Variants in ARFGEF2 observed in about 807,000 individuals in gnomAD.
The protein encoded by ARFGEF2 is brefeldin A-inhibited guanine nucleotide-exchange protein 2.
A neutral mutation model predicts 219.9 loss-of-function variants in ARFGEF2; 74 were observed. The ratio of observed to expected loss-of-function variants is 0.34; its 90% CI spans 0.28 to 0.41. ARFGEF2 has a LOEUF of 0.41. Ranked by LOEUF, ARFGEF2 falls within the 10% of genes least tolerant of loss-of-function variation. The pLI is 1.00. For missense variants in ARFGEF2, 1,743 were observed against 2,218.3 expected, an observed-to-expected ratio of 0.79 and a Z score of 4.30; for synonymous variants, 733 against 799.2, an observed-to-expected ratio of 0.92 and a Z score of 1.40.
At chr20:48,965,132 G>T (rs1350538055) in intron 7 of ARFGEF2, among the ~76,000 whole-genome samples, 1 of 152,058 alleles carries the variant, frequency 6.6e-6, no homozygotes, top group East Asian at 1.9e-4. Context: ...CTTTAGATTT[G>T]TTTCTGGGAT....
chr20:48,926,863 G>A (rs1005304189), intron 1 of ARFGEF2, among the ~76,000 whole-genome samples: 3 of 152,172 alleles, frequency 2.0e-5, no homozygotes, highest in Admixed American at 6.5e-5. Flanking sequence ...GTGGGGAAAC[G>A]TAGCTGCAGC....
At position 48,973,223 on chromosome 20, in the gene ARFGEF2, A is replaced by G. The variant is rs986288018; in HGVS notation, c.1604A>G (p.Asn535Ser). 3 of 1,614,066 alleles carry G rather than the reference A, an allele frequency of 1.9e-6. No individual in the cohort carries two copies. In the African/African-American group the frequency reaches 4.0e-5, roughly 22 times the overall value. Residue 535 changes from asparagine (N) to serine (S), a missense_variant, in exon 12 of 39, where the codon AAT (asparagine) becomes AGT (serine). Around this residue, in one of 5 missense-constraint regions of ARFGEF2, gnomAD observed 666 missense variants for 955.4 expected, o/e 0.70. Coordinates refer to ENST00000371917, the MANE Select transcript of ARFGEF2 (RefSeq NM_006420.3). ...NAANIFERLV[N>S]DLSKIAQGRS... Reference sequence around the variant, plus strand: ...GCTAACATTTTTGAGCGCCTTGTAAATGATTTATCCAAAATTGCTCAGGGA... The same window carrying G: ...GCTAACATTTTTGAGCGCCTTGTAAGTGATTTATCCAAAATTGCTCAGGGA...
intron 16 of ARFGEF2, among the ~76,000 whole-genome samples, chr20:48,987,994 G>A (rs2091335946): frequency 6.6e-6 from 1 of 152,088 alleles, no homozygotes; most frequent in Non-Finnish European, 1.5e-5. Flanking sequence ...CACCATGTTG[G>A]CCAGGCTGGT....
chr20:48,991,012 A>G, intron 20 of ARFGEF2, 28 bp from the exon 21 acceptor site: 2 of 1,609,584 alleles, frequency 1.2e-6, no homozygotes, highest in Non-Finnish European at 8.5e-7. Flanking sequence ...TTGGAGTCAC[A>G]GTGTTCTCTC....
intron 3 of ARFGEF2, among the ~76,000 whole-genome samples, chr20:48,949,853 C>T (rs1489620066): frequency 2.0e-5 from 3 of 152,110 alleles, no homozygotes; most frequent in African/African-American, 4.8e-5. Context: ...GGAGTCTTCA[C>T]CAAGTCACTG....
Position 48,921,764 on chromosome 20 carries a change from C to T in ARFGEF2, c.-126C>T. On this transcript the variant is annotated 5_prime_UTR_variant, in exon 1 of 39. Coordinates refer to ENST00000371917, the MANE Select transcript of ARFGEF2 (RefSeq NM_006420.3). Reference sequence around the variant, plus strand: ...GCGGCGCCGTGGGGCCGAGGTGTCGCTTCCTGACGGGGCGGCGCGGACGGA... The same window carrying T: ...GCGGCGCCGTGGGGCCGAGGTGTCGTTTCCTGACGGGGCGGCGCGGACGGA... The T allele has an allele frequency of 2.9e-6, 3 of 1,051,156 alleles. No individual in the cohort carries two copies. Among genetic ancestry groups the T allele is most frequent in the Non-Finnish European group, 2.4e-6 (2 of 845,140 alleles). The allele number at this position is 1,051,156 out of a possible 1,614,324, so 65.1% of individuals were successfully genotyped here. A position where few individuals can be genotyped will look rare whatever the true frequency, so the allele number is the denominator to read the frequency against.
chr20:48,932,359 A>G (rs1336865465), intron 1 of ARFGEF2, among the ~76,000 whole-genome samples: 1 of 152,082 alleles, frequency 6.6e-6, no homozygotes, highest in Non-Finnish European at 1.5e-5. Context: ...GAGTTGGGCC[A>G]TTGAGGGTGG....
rs772236156 is a variant in ARFGEF2, at chr20:48,988,574, C to G, written c.2445C>G (p.Leu815=). The G allele has an allele frequency of 2.5e-6, 4 of 1,613,658 alleles. No homozygotes were observed. In the South Asian group the frequency reaches 4.4e-5, roughly 18 times the overall value. ...NDSKDLPEEY[L]SSIYEEIEGK... ...GTAAAGATCTGCCAGAAGAGTATCT[C>G]TCAAGCATCTATGAAGAGATAGAAG... The change falls in exon 18 of 39, where the codon CTC becomes CTG. Residue 815 remains leucine (L), a synonymous_variant. Coordinates refer to ENST00000371917, the MANE Select transcript of ARFGEF2 (RefSeq NM_006420.3).
chr20:49,005,365 T>C, intron 26 of ARFGEF2, 144 bp downstream of exon 26: 11 of 1,054,638 alleles, frequency 1.0e-5, no homozygotes, highest in Non-Finnish European at 1.6e-5. Context: ...TTCACATCGA[T>C]TTTCCTTAAA....
Position 49,013,916 on chromosome 20 carries a change from T to A in ARFGEF2, c.4135T>A (p.Phe1379Ile), listed in dbSNP as rs573211337. ...GTGGCAGGACCTGTTCAGAATCGTG[T>A]TTCGGATTTTTGACAATATGAAACT... is the stretch of plus-strand genomic sequence containing the variant. ...HWWQDLFRIV[F>I]RIFDNMKLPE... Residue 1379 changes from phenylalanine to isoleucine, a missense_variant, in exon 30 of 39, where the codon TTT becomes ATT. Around this residue, in one of 5 missense-constraint regions of ARFGEF2, gnomAD observed 578 missense variants for 664.0 expected, o/e 0.87. Coordinates refer to ENST00000371917, the MANE Select transcript of ARFGEF2 (RefSeq NM_006420.3). 6.2e-7 allele frequency: 1 copy of A among 1,614,060 alleles called. No individual in the cohort carries two copies. The highest frequency in any genetic ancestry group is 1.1e-5 in the South Asian group (1 of 91,074).
intron 1 of ARFGEF2, 120 bp downstream of exon 1, chr20:48,922,130 C>G (rs992452937): frequency 1.4e-6 from 2 of 1,432,548 alleles, no homozygotes; most frequent in African/African-American, 2.9e-5. Context: ...GAATTCCACC[C>G]TTCCGGCCTC....
At chr20:49,028,770 ACT>A in intron 37 of ARFGEF2, 102 bp downstream of exon 37, 12 of 1,336,456 alleles carry the variant, frequency 9.0e-6, no homozygotes, top group Non-Finnish European at 1.1e-5. Context: ...ACATGCTGAC[ACT>A]CTGACAAATT....
chr20:48,997,317 G>T (rs1271935610), intron 23 of ARFGEF2, among the ~76,000 whole-genome samples: 1 of 152,162 alleles, frequency 6.6e-6, no homozygotes, highest in Non-Finnish European at 1.5e-5. Flanking sequence ...CTATCACCCA[G>T]TCTGGAGTGC....
chr20:49,030,711 A>G (rs1478110744), intron 37 of ARFGEF2, among the ~76,000 whole-genome samples: 1 of 152,128 alleles, frequency 6.6e-6, no homozygotes, highest in Non-Finnish European at 1.5e-5. Context: ...TAAAGGAGAT[A>G]TGTAGGGCCG....
intron 10 of ARFGEF2, among the ~76,000 whole-genome samples, chr20:48,972,041 G>C (rs868269582): frequency 6.6e-6 from 1 of 152,192 alleles, no homozygotes; most frequent in Non-Finnish European, 1.5e-5. Context: ...GCCAAATTGA[G>C]AAATCCTATT....
intron 2 of ARFGEF2, among the ~76,000 whole-genome samples, chr20:48,941,542 C>A (rs1454984297): frequency 6.6e-6 from 1 of 152,152 alleles, no homozygotes; most frequent in Non-Finnish European, 1.5e-5. Context: ...GGCATGAGGA[C>A]AGCTTGCACC....
intron 12 of ARFGEF2, among the ~76,000 whole-genome samples, chr20:48,974,295 T>G (rs13433101): frequency 0.12 from 18,940 of 151,834 alleles, 1,671 homozygotes; most frequent in East Asian, 0.37. Context: ...CCGGCTGATT[T>G]GAGATGGGGT....
chr20:48,931,696 G>T (rs1282163629), intron 1 of ARFGEF2, among the ~76,000 whole-genome samples: 1 of 152,088 alleles, frequency 6.6e-6, no homozygotes, highest in Non-Finnish European at 1.5e-5. Flanking sequence ...ATTCCCAGGA[G>T]CAGGAATAGC....
At chr20:48,995,099 G>A (rs1369568783) in intron 22 of ARFGEF2, among the ~76,000 whole-genome samples, 2 of 152,172 alleles carry the variant, frequency 1.3e-5, no homozygotes. Flanking sequence ...GTCATATTCT[G>A]AGCACTCAGT....
Sources: allele counts gnomAD v4.1 joint callset (sites outside exome capture counted in the v4.1 genomes callset), GRCh38; gene constraint gnomAD v4.1.1; regional missense constraint gnomAD v4.1.1; transcripts MANE v1.5; gene names NCBI Gene and HGNC (gene_info 2026-07-23, HGNC 2026-07-21).